The following KEL variants were observed in gnomAD, a reference collection of about 807,000 sequenced individuals.
KEL encodes Kell metallo-endopeptidase (Kell blood group), also known as kell blood group glycoprotein.
KEL carries 96 observed loss-of-function variants against 99.5 expected under a neutral mutation model. The observed-to-expected ratio is 0.97, with a 90% CI of 0.82 to 1.14. The LOEUF (loss-of-function observed/expected upper bound fraction) is 1.14, where lower values mean the gene tolerates loss of function less well. Ranked by LOEUF, KEL falls within the 50% of genes most tolerant of loss-of-function variation. The probability of loss-of-function intolerance (pLI) is 0.00; values close to 1 mark genes in which losing one functional copy is unlikely to be tolerated. For missense variants in KEL, 926 were observed against 924.2 expected (o/e 1.00, Z -0.03); for synonymous variants, 355 against 354.8 (o/e 1.00, Z -0.01).
At chr7:142,943,646 C>T (rs746515741) in intron 14 of KEL, 50 bp from the exon 15 acceptor site, 8 of 1,460,334 alleles carry the variant, frequency 5.5e-6, no homozygotes, top group Admixed American at 3.5e-5. Context: ...TATTGCCCTG[C>T]CACCCTGAGA....
Position 142,957,904 on chromosome 7 carries a change from T to C in KEL, c.595A>G (p.Ser199Gly). ...AAGAAAGGGAAATGGCCATACTGAC[T>C]CATCAGAAGTCTCAGCGTTCGGTTA... Reference protein sequence around the residue: ...NFNRTLRLLMSQYGHFPFFRA... With the variant: ...NFNRTLRLLMGQYGHFPFFRA... The change falls in exon 6 of 19, where the codon AGT becomes GGT. Residue 199 changes from serine to glycine, a missense_variant. Transcript: ENST00000355265. 6.2e-7 allele frequency: 1 copy of C among 1,614,064 alleles called. No homozygotes were observed. The highest frequency in any genetic ancestry group is 8.5e-7 in the Non-Finnish European group (1 of 1,179,988).
rs1796878196 is a variant in KEL, at chr7:142,958,343, T to C, written c.486A>G (p.Glu162=). 1 of 1,614,022 alleles carries C rather than the reference T, an allele frequency of 6.2e-7. No individual in the cohort carries two copies. ...YNSCMDTLAI[E]AAGTGPLRQV... ...GTCTGAGGGGACCAGTCCCTGCAGC[T>C]TCAATGGCAAGTGTATCCATGCAGG... Residue 162 remains glutamate, a synonymous_variant, in exon 5 of 19, where the codon GAA becomes GAG. Transcript: ENST00000355265.
chr7:142,943,060 C>T lies in KEL; in HGVS notation c.1772-16G>A. On this transcript the variant is annotated splice_polypyrimidine_tract_variant and intron_variant, in intron 16 of 18. Coordinates refer to ENST00000355265, the MANE Select transcript of KEL (RefSeq NM_000420.3). Reference sequence around the variant, plus strand: ...CCAGGCAGTACTGTTGAAAATGGGACAAGAGAACATACAGCAAGAGAACAT... The same window carrying T: ...CCAGGCAGTACTGTTGAAAATGGGATAAGAGAACATACAGCAAGAGAACAT... The T allele has an allele frequency of 6.2e-7, 1 of 1,613,616 alleles. No homozygotes were observed. The highest frequency in any genetic ancestry group is 8.5e-7 in the Non-Finnish European group (1 of 1,179,950).
Position 142,962,284 on chromosome 7 carries a change from C to T in KEL, c.-78G>A. 6.6e-7 allele frequency: 1 copy of T among 1,519,888 alleles called. No individual in the cohort carries two copies. Among genetic ancestry groups the T allele is most frequent in the Non-Finnish European group, 9.1e-7 (1 of 1,094,340 alleles). 94.2% of individuals were successfully genotyped at this position (1,519,888 alleles called of 1,614,324 possible). On this transcript the variant is annotated 5_prime_UTR_variant, in exon 1 of 19. Coordinates refer to ENST00000355265, the MANE Select transcript of KEL (RefSeq NM_000420.3). ...ATTCGGAGGACTGGGGTCCAGGAAA[C>T]ACCCCCCGCCCCAGTTCCTTGATCC...
chr7:142,958,057 A>G, intron 5 of KEL, 84 bp from the exon 6 acceptor site: 1 of 1,520,984 alleles, frequency 6.6e-7, no homozygotes, highest in Non-Finnish European at 9.0e-7. Context: ...CACAGCTGCT[A>G]CTGCCTGACC....
Position 142,943,602 on chromosome 7 carries a change from G to A in KEL, c.1593-6C>T. On this transcript the variant is annotated splice_polypyrimidine_tract_variant and splice_region_variant and intron_variant, in intron 14 of 18. Transcript: ENST00000355265. ...CCCAAGGGGACACCTTCCACCTGTG[G>A]GAAGAGGACATGTGAACTCCAGCCC... The A allele has an allele frequency of 6.2e-6, 10 of 1,607,354 alleles. No homozygotes were observed. The South Asian group carries it at 1.1e-4, about 18-fold the overall frequency.
At chr7:142,943,444 T>A in intron 15 of KEL, 42 bp downstream of exon 15, 1 of 1,606,410 alleles carries the variant, frequency 6.2e-7, no homozygotes. Context: ...TGTCGGCCCC[T>A]CTTGGGAAAC....
In KEL at chr7:142,960,988, T is replaced by C. The variant is rs1454420671; in HGVS notation, c.340A>G (p.Thr114Ala). 6.2e-7 allele frequency: 1 copy of C among 1,614,200 alleles called. No individual in the cohort carries two copies. The change falls in exon 4 of 19, where the codon ACC becomes GCC. Residue 114 changes from threonine (T) to alanine (A), a missense_variant. Coordinates refer to ENST00000355265, the MANE Select transcript of KEL (RefSeq NM_000420.3). ...FSFACGRAKETNNSFQELATK... is the reference protein window; with the variant it reads ...FSFACGRAKEANNSFQELATK... ...GCAAGCTCCTGAAAAGAATTATTGG[T>C]CTCTTTGGCCCTTCCACAGGCAAAG...
rs1796508846 is a variant in KEL, at chr7:142,945,848, G to A, written c.1314+359C>T. Among the ~76,000 whole-genome samples, 8 of 152,114 alleles carry A rather than the reference G, an allele frequency of 5.3e-5. No homozygotes were observed. The South Asian group carries it at 1.7e-3, about 32-fold the overall frequency. On this transcript the variant is annotated intron_variant, in intron 11 of 18. Transcript: ENST00000355265. ...TCTCCATGTTGGTCAGGCTGGTCTT[G>A]AACTCCTGACCTCAGGTGATCCGCC...
chr7:142,946,588 T>C, intron 10 of KEL: 1 of 518,186 alleles, frequency 1.9e-6, no homozygotes, highest in Non-Finnish European at 3.5e-6. Flanking sequence ...GGAGGCATCA[T>C]CCTGGGGTTT....
chr7:142,953,512 C>G (rs1796742635), intron 9 of KEL: 1 of 537,508 alleles, frequency 1.9e-6, no homozygotes, highest in African/African-American at 2.0e-5. Context: ...CTCAGAGGCT[C>G]TTGACTGGCT....
intron 1 of KEL, 146 bp downstream of exon 1, chr7:142,962,058 T>A: frequency 6.2e-7 from 1 of 1,610,840 alleles, no homozygotes; most frequent in East Asian, 2.2e-5. Context: ...GTGCCATTTC[T>A]CGATCCCTCT....
In KEL at chr7:142,942,523, T is replaced by A. The variant is rs1458649673; in HGVS notation, c.1948A>T (p.Ser650Cys). Residue 650 changes from serine (S) to cysteine (C), a missense_variant, in exon 18 of 19, where the codon AGC (serine) becomes TGC (cysteine). By Grantham distance (112) the Ser-to-Cys change is moderately radical. Coordinates refer to ENST00000355265, the MANE Select transcript of KEL (RefSeq NM_000420.3). ...CCATGGTGCCGTAACAGCCTCTTGC[T>A]GTATGCCTGGGTAGGGGTGGGTAGA... ...GGLAIALQAY[S>C]KRLLRHHGET... 4 of 1,606,464 alleles carry A rather than the reference T, an allele frequency of 2.5e-6. No homozygotes were observed. In the Admixed American group the frequency reaches 6.8e-5, roughly 27 times the overall value.
At chr7:142,947,605 C>T (rs2116652822) in intron 10 of KEL, among the ~76,000 whole-genome samples, 1 of 152,260 alleles carries the variant, frequency 6.6e-6, no homozygotes, top group African/African-American at 2.4e-5. Flanking sequence ...GGCTGGAGTG[C>T]AGTGGTGCAA....
chr7:142,954,181 C>T lies in KEL; in HGVS notation c.924+3G>A, dbSNP rs765651331. 1.9e-6 allele frequency: 3 copies of T among 1,608,178 alleles called. No homozygotes were observed. The highest frequency in any genetic ancestry group is 2.2e-5 in the South Asian group (2 of 91,066). On this transcript the variant is annotated splice_donor_region_variant and intron_variant, in intron 8 of 18. Coordinates refer to ENST00000355265, the MANE Select transcript of KEL (RefSeq NM_000420.3). ...CAGTCTTCTGGCCCCCAGTTCCAGG[C>T]ACCTTGAGCTGGTCGATAGTGACCA...
chr7:142,958,103 C>T, intron 5 of KEL, 130 bp from the exon 6 acceptor site: 5 of 1,334,478 alleles, frequency 3.7e-6, no homozygotes, highest in Admixed American at 2.0e-5. Context: ...TAGGAAGCCA[C>T]ATCTATCCTT....
At chr7:142,956,971 T>C (rs1048180213) in intron 6 of KEL, among the ~76,000 whole-genome samples, 27 of 152,206 alleles carry the variant, frequency 1.8e-4, no homozygotes, top group African/African-American at 6.3e-4. Context: ...ACTCACTCAC[T>C]ACAAATACCT....
chr7:142,958,496 A>G, intron 4 of KEL, 68 bp from the exon 5 acceptor site: 1 of 1,517,816 alleles, frequency 6.6e-7, no homozygotes, highest in Non-Finnish European at 9.1e-7. Flanking sequence ...ATTCCTATCA[A>G]AGGGGTCTGG....
intron 11 of KEL, chr7:142,945,044 C>A: frequency 2.1e-6 from 1 of 467,044 alleles, no homozygotes; most frequent in Middle Eastern, 6.0e-4. Context: ...CTCCTGGGGG[C>A]AGGAACACCT....
Sources: allele counts gnomAD v4.1 joint callset (sites outside exome capture counted in the v4.1 genomes callset), GRCh38; gene constraint gnomAD v4.1.1; transcripts MANE v1.5; gene names NCBI Gene and HGNC (gene_info 2026-07-23, HGNC 2026-07-21).